SYT1: variants seen among roughly 807,000 people sequenced by gnomAD.
SYT1 encodes synaptotagmin-1.
A neutral mutation model predicts 44.8 loss-of-function variants in SYT1; 8 were observed. That is an observed-to-expected ratio of 0.18 (90% CI 0.10 to 0.32). The LOEUF is 0.32. SYT1 is among the 10% of genes least tolerant of loss of function. The pLI is 1.00. For missense variants in SYT1, 286 were observed against 509.3 expected, an observed-to-expected ratio of 0.56 and a Z score of 4.22; for synonymous variants, 154 against 188.8, an observed-to-expected ratio of 0.82 and a Z score of 1.51.
At chr12:79,353,432 A>AAT in intron 8 of SYT1, 70 bp from the exon 9 acceptor site, 1 of 1,165,866 alleles carries the variant, frequency 8.6e-7, no homozygotes, top group Non-Finnish European at 1.3e-6. Context: ...AAGAATTTAC[A>AAT]ATATATATGT....
At chr12:78,965,958 T>C (rs1879747634) in intron 1 of SYT1, among the ~76,000 whole-genome samples, 1 of 151,650 alleles carries the variant, frequency 6.6e-6, no homozygotes, top group Non-Finnish European at 1.5e-5. Flanking sequence ...GCGCCTGTAA[T>C]CTCAGCTACT....
intron 1 of SYT1, among the ~76,000 whole-genome samples, chr12:78,970,685 C>A (rs796115452): frequency 2.0e-5 from 3 of 152,142 alleles, no homozygotes; most frequent in African/African-American, 7.2e-5. Flanking sequence ...AATCTGCTAC[C>A]ACTAGCCTTT....
chr12:79,441,703 AC>A (rs1183461843), intron 9 of SYT1, among the ~76,000 whole-genome samples: 3 of 152,180 alleles, frequency 2.0e-5, no homozygotes, highest in Non-Finnish European at 4.4e-5. Context: ...TACAAAAGCA[AC>A]AGATCAGCAG....
rs141854110 is a variant in SYT1 at position 79,313,246 on chromosome 12, C to T, written c.810+13695C>T. 8.5e-3 allele frequency among the ~76,000 whole-genome samples: 1,287 copies of T among 152,262 alleles called. 13 individuals are homozygous for T. The highest frequency in any genetic ancestry group is 0.029 in the African/African-American group (1,216 of 41,520). ...GTGTACATAGGTTCCCTCCCAGTCCCTTCCATACCCATTAGTTATTGAACT... is the reference window on the plus strand; with the variant it reads ...GTGTACATAGGTTCCCTCCCAGTCCTTTCCATACCCATTAGTTATTGAACT... On this transcript the variant is annotated intron_variant, in intron 8 of 10. Coordinates refer to ENST00000261205, the MANE Select transcript of SYT1 (RefSeq NM_005639.3).
At chr12:79,068,453 C>T (rs1278259127) in intron 3 of SYT1, among the ~76,000 whole-genome samples, 1 of 152,060 alleles carries the variant, frequency 6.6e-6, no homozygotes, top group Non-Finnish European at 1.5e-5. Context: ...TGAAAAAATA[C>T]TCTGGGGATA....
chr12:79,322,955 G>A (rs371432700), intron 8 of SYT1, among the ~76,000 whole-genome samples: 4 of 152,154 alleles, frequency 2.6e-5, no homozygotes, highest in African/African-American at 9.7e-5. Flanking sequence ...AAGAATTGGG[G>A]CATGGATTTG....
chr12:79,059,071 G>A (rs1875178551), intron 3 of SYT1, among the ~76,000 whole-genome samples: 1 of 152,020 alleles, frequency 6.6e-6, no homozygotes, highest in Non-Finnish European at 1.5e-5. Context: ...CATGCCAGAA[G>A]GTGAATGGGG....
chr12:78,998,019 C>G (rs961399616), intron 2 of SYT1, among the ~76,000 whole-genome samples: 12 of 152,072 alleles, frequency 7.9e-5, no homozygotes, highest in African/African-American at 2.9e-4. Flanking sequence ...TGGCTCCTAT[C>G]AGATCTTTGC....
intron 8 of SYT1, among the ~76,000 whole-genome samples, chr12:79,326,833 A>C (rs189939394): frequency 1.8e-4 from 28 of 152,354 alleles, no homozygotes; most frequent in Admixed American, 5.2e-4. Flanking sequence ...AGAACAAATA[A>C]ATATGCTGTC....
At chr12:79,184,384 C>A (rs546751982) in intron 3 of SYT1, among the ~76,000 whole-genome samples, 4 of 152,008 alleles carry the variant, frequency 2.6e-5, no homozygotes, top group East Asian at 1.9e-4. Flanking sequence ...ACATTAGATA[C>A]CTCACTTAAC....
intron 3 of SYT1, among the ~76,000 whole-genome samples, chr12:79,117,432 C>G (rs1388598360): frequency 6.6e-6 from 1 of 151,730 alleles, no homozygotes; most frequent in Non-Finnish European, 1.5e-5. Context: ...CAGTGGATGA[C>G]TGCTGACTGC....
intron 1 of SYT1, among the ~76,000 whole-genome samples, chr12:78,975,245 C>T (rs538290664): frequency 6.6e-6 from 1 of 152,124 alleles, no homozygotes; most frequent in East Asian, 1.9e-4. Flanking sequence ...TGGGAACTTA[C>T]TACTATTTAA....
chr12:79,000,375 C>T (rs1870660962), intron 2 of SYT1, among the ~76,000 whole-genome samples: 1 of 147,636 alleles, frequency 6.8e-6, no homozygotes, highest in African/African-American at 2.5e-5. Context: ...CTCAATGCAA[C>T]CTCCGCCGCC....
chr12:79,203,022 C>T (rs939137479), intron 3 of SYT1, among the ~76,000 whole-genome samples: 1 of 151,744 alleles, frequency 6.6e-6, no homozygotes, highest in African/African-American at 2.4e-5. Flanking sequence ...GTCAGAGGCA[C>T]ATGTAGGTAA....
At chr12:79,105,858 C>CAACAGA (rs1312531169) in intron 3 of SYT1, among the ~76,000 whole-genome samples, 9 of 148,202 alleles carry the variant, frequency 6.1e-5, no homozygotes, top group Non-Finnish European at 1.3e-4. Flanking sequence ...CCAGCCTGGG[C>CAACAGA]AACAGAGCTA....
intron 4 of SYT1, among the ~76,000 whole-genome samples, chr12:79,229,639 G>A (rs1167006511): frequency 1.3e-5 from 2 of 151,536 alleles, no homozygotes; most frequent in Non-Finnish European, 2.9e-5. Context: ...TGTCGCCCAG[G>A]CTGGAGTGCA....
rs200221044 is a variant in SYT1 at position 79,286,000 on chromosome 12, A to C, written c.351+29A>C. 125 of 1,570,520 alleles carry C rather than the reference A, an allele frequency of 8.0e-5. No individual in the cohort carries two copies. In the East Asian group the frequency reaches 2.4e-3, roughly 30 times the overall value. On this transcript the variant is annotated intron_variant, in intron 5 of 10. Coordinates refer to ENST00000261205, the MANE Select transcript of SYT1 (RefSeq NM_005639.3). ...ATGTATTCTTTCTACATTTCTTCTT[A>C]TTTTGTTTAAAAAAGATAAACAAAT...
intron 2 of SYT1, among the ~76,000 whole-genome samples, chr12:79,026,351 A>T (rs1872528329): frequency 6.6e-6 from 1 of 151,504 alleles, no homozygotes; most frequent in Admixed American, 6.6e-5. Context: ...GGAAGTAAAG[A>T]TCCAAAGAGT....
intron 1 of SYT1, among the ~76,000 whole-genome samples, chr12:78,941,624 T>C (rs1322565356): frequency 3.9e-5 from 6 of 152,202 alleles, no homozygotes; most frequent in Admixed American, 3.9e-4. Context: ...TGACTACTGG[T>C]CAAAATGAAA....
Sources: allele counts gnomAD v4.1 joint callset (sites outside exome capture counted in the v4.1 genomes callset), GRCh38; gene constraint gnomAD v4.1.1; transcripts MANE v1.5; gene names NCBI Gene and HGNC (gene_info 2026-07-23, HGNC 2026-07-21).